The following CLCA2 variants were observed in gnomAD, a reference collection of about 807,000 sequenced individuals.
CLCA2 encodes the protein calcium-activated chloride channel regulator 2.
In CLCA2, 85 loss-of-function variants were observed where a neutral mutation model predicts 82.9. That is an observed-to-expected ratio of 1.03 (90% confidence interval 0.86 to 1.23). The LOEUF (loss-of-function observed/expected upper bound fraction) is 1.23, where lower values mean the gene tolerates loss of function less well. Among genes scored for constraint, CLCA2 ranks in the 50% most tolerant of loss-of-function variants. The pLI is 0.00. For synonymous variants in CLCA2, 421 were observed against 391.7 expected (o/e 1.07, Z -0.88); for missense variants, 1,089 against 1,124.8 (o/e 0.97, Z 0.45).
At chr1:86,453,768 C>T (rs539700918) in intron 13 of CLCA2, among the ~76,000 whole-genome samples, 166 bp downstream of exon 13, 3 of 152,230 alleles carry the variant, frequency 2.0e-5, no homozygotes, top group African/African-American at 7.2e-5. Context: ...GTGTTGCCTA[C>T]CCCTGGAATG....
At chr1:86,448,595 G>A (rs1455952291) in intron 11 of CLCA2, 2 of 151,720 alleles carry the variant, frequency 1.3e-5, no homozygotes, top group East Asian at 2.0e-4. Context: ...AGCCCGAAGT[G>A]TTTGATCTGC....
At chr1:86,427,163 G>A (rs1407758306) in intron 2 of CLCA2, among the ~76,000 whole-genome samples, 2 of 152,132 alleles carry the variant, frequency 1.3e-5, no homozygotes, top group African/African-American at 4.8e-5. Context: ...AAGGGGGAAA[G>A]GGTTAGGAAA....
intron 4 of CLCA2, 110 bp from the exon 5 acceptor site, chr1:86,432,259 G>A: frequency 7.6e-7 from 1 of 1,312,126 alleles, no homozygotes; most frequent in Non-Finnish European, 1.1e-6. Flanking sequence ...TTAAAGTTTT[G>A]TATATATCTA....
At chr1:86,447,359 C>A in intron 10 of CLCA2, 149 bp from the exon 11 acceptor site, 1 of 745,430 alleles carries the variant, frequency 1.3e-6, no homozygotes, top group Non-Finnish European at 2.2e-6. Flanking sequence ...TTAACCAATG[C>A]TACTTTTCCT....
At position 86,428,518 on chromosome 1, in the gene CLCA2, C is replaced by A; in HGVS notation, c.425C>A (p.Thr142Lys). Residue 142 changes from threonine (T) to lysine (K), a missense_variant, in exon 3 of 14, where the codon ACA (threonine) becomes AAA (lysine). Physicochemically the swap from Thr to Lys is moderately conservative, Grantham distance 78. Transcript: ENST00000370565. ...AAAGAGGGAAAATACATTCATTTCA[C>A]ACCTAATTTCCTACTGAATGATAAC... ...CGKEGKYIHF[T>K]PNFLLNDNLT... is the part of the protein sequence containing the mutation. The A allele has an allele frequency of 6.2e-7, 1 of 1,613,730 alleles. No individual in the cohort carries two copies. Among genetic ancestry groups the A allele is most frequent in the Non-Finnish European group, 8.5e-7 (1 of 1,179,742 alleles).
intron 13 of CLCA2, among the ~76,000 whole-genome samples, chr1:86,454,878 T>C (rs1463952031): frequency 7.7e-6 from 1 of 130,416 alleles, no homozygotes; most frequent in African/African-American, 3.0e-5. Flanking sequence ...TTGTGTTGAA[T>C]CTTGCTTTTC....
At chr1:86,429,209 G>A (rs1399320830) in intron 3 of CLCA2, among the ~76,000 whole-genome samples, 1 of 152,170 alleles carries the variant, frequency 6.6e-6, no homozygotes, top group Non-Finnish European at 1.5e-5. Flanking sequence ...CTTAAAAATG[G>A]GTGGAGACAG....
At chr1:86,431,501 G>A (rs1662498314) in intron 4 of CLCA2, among the ~76,000 whole-genome samples, 1 of 152,162 alleles carries the variant, frequency 6.6e-6, no homozygotes, top group Non-Finnish European at 1.5e-5. Context: ...CGTGCAGACA[G>A]ATTAACATAT....
rs1663053137 is a variant in CLCA2, at chr1:86,455,335, C to T, written c.2640C>T (p.Asn880=). 1 of 1,613,146 alleles carries T rather than the reference C, an allele frequency of 6.2e-7. No homozygotes were observed. Among genetic ancestry groups the T allele is most frequent in the Non-Finnish European group, 8.5e-7 (1 of 1,179,664 alleles). Residue 880 remains asparagine (N), a synonymous_variant, in exon 14 of 14, where the codon AAC becomes AAT. Transcript: ENST00000370565. ...ACTCCTTACAGTCTGCTGTATCTAA[C>T]ATTGCCCAGGCGCCTCTGTTTATTC... The part of the protein sequence containing the change: ...DRNSLQSAVS[N]IAQAPLFIPP...
intron 5 of CLCA2, among the ~76,000 whole-genome samples, chr1:86,433,523 C>G (rs1224011556): frequency 2.0e-5 from 3 of 152,150 alleles, no homozygotes; most frequent in Non-Finnish European, 4.4e-5. Flanking sequence ...TGATACTAAC[C>G]TAATGCATTC....
rs1662342765 is a variant in CLCA2 at position 86,424,263 on chromosome 1, A to C, written c.16A>C (p.Ile6Leu). The C allele has an allele frequency of 1.9e-6, 3 of 1,612,986 alleles. No individual in the cohort carries two copies. The highest frequency in any genetic ancestry group is 1.1e-5 in the South Asian group (1 of 90,932). MTQRS[I>L]AGPICNLKFV... ...TCTCTACAACATGACCCAAAGGAGC[A>C]TTGCAGGTCCTATTTGCAACCTGAA... is the stretch of plus-strand genomic sequence containing the variant. The change falls in exon 1 of 14, where the codon ATT becomes CTT. Residue 6 changes from isoleucine (I) to leucine (L), a missense_variant. Coordinates refer to ENST00000370565, the MANE Select transcript of CLCA2 (RefSeq NM_006536.7).
chr1:86,440,349 C>G, intron 8 of CLCA2, 24 bp downstream of exon 8: 2 of 1,601,554 alleles, frequency 1.2e-6, no homozygotes, highest in Non-Finnish European at 1.7e-6. Flanking sequence ...AAAAACTTAT[C>G]TTTTGGAGCA....
chr1:86,424,583 T>C (rs1662351994), intron 1 of CLCA2, 150 bp downstream of exon 1: 1 of 601,572 alleles, frequency 1.7e-6, no homozygotes, highest in Non-Finnish European at 2.7e-6. Context: ...TGATTATGGC[T>C]AACTAAGCCA....
In CLCA2 at chr1:86,424,418, C is replaced by T. The variant is rs1662348386; in HGVS notation, c.171C>T (p.Leu57=). The T allele has an allele frequency of 2.5e-6, 4 of 1,610,806 alleles. No individual in the cohort carries two copies. Among genetic ancestry groups the T allele is most frequent in the Non-Finnish European group, 3.4e-6 (4 of 1,178,660 alleles). The change falls in exon 1 of 14, where the codon CTC becomes CTT. Residue 57 remains leucine, a synonymous_variant. Coordinates refer to ENST00000370565, the MANE Select transcript of CLCA2 (RefSeq NM_006536.7). The stretch of plus-strand genomic sequence containing the variant: ...CTCAGGTACCTGAGAATCAGAACCT[C>T]ATCTCAAACATTAAGGTGAGTGGAA... ...INPQVPENQN[L]ISNIKEMITE...
intron 7 of CLCA2, among the ~76,000 whole-genome samples, chr1:86,439,699 G>T (rs1305063193): frequency 6.6e-6 from 1 of 151,954 alleles, no homozygotes; most frequent in African/African-American, 2.4e-5. Context: ...ATCACCTGGG[G>T]ATTAAAAAAA....
At chr1:86,444,871 C>T (rs1662813607) in intron 10 of CLCA2, among the ~76,000 whole-genome samples, 1 of 129,326 alleles carries the variant, frequency 7.7e-6, no homozygotes, top group South Asian at 2.7e-4. Context: ...TGCTGCCCCA[C>T]CCCCACTTTT....
chr1:86,439,057 C>G lies in CLCA2; in HGVS notation c.1154C>G (p.Ser385Ter), dbSNP rs747705527. Residue 385 changes from serine (S) to a stop codon, truncating the protein, a stop_gained, in exon 7 of 14, where the codon TCA becomes TGA. Transcript: ENST00000370565. LOFTEE classifies it high-confidence loss of function. ...GTTTCATATCTGCCCACCACTGTAT[C>G]AGCTAAAACAGACATCAGCATTTGT... ...LLVSYLPTTV[S>*]AKTDISICSG... is the part of the protein sequence containing the mutation. 1 of 1,614,012 alleles carries G rather than the reference C, an allele frequency of 6.2e-7. No homozygotes were observed. Among genetic ancestry groups the G allele is most frequent in the Admixed American group, 1.7e-5 (1 of 59,992 alleles).
chr1:86,442,602 T>C (rs1490712429), intron 9 of CLCA2, among the ~76,000 whole-genome samples: 1 of 152,214 alleles, frequency 6.6e-6, no homozygotes, highest in Non-Finnish European at 1.5e-5. Flanking sequence ...ATTTCTTAAA[T>C]TCATTTGAAC....
chr1:86,429,681 A>AT (rs1313338934), intron 3 of CLCA2, among the ~76,000 whole-genome samples: 2 of 152,086 alleles, frequency 1.3e-5, no homozygotes, highest in South Asian at 2.1e-4. Flanking sequence ...CCCAATCTTT[A>AT]TTTTTTGTTT....
Sources: gnomAD v4.1 joint callset for allele counts (sites outside exome capture counted in the v4.1 genomes callset) on GRCh38, gnomAD v4.1.1 for gene constraint, MANE v1.5 for transcripts, NCBI Gene and HGNC (gene_info 2026-07-23, HGNC 2026-07-21) for gene names.